CTNS: variants seen among roughly 807,000 people sequenced by gnomAD.
CTNS encodes cystinosin.
CTNS carries 27 observed loss-of-function variants against 43.7 expected under a neutral mutation model. That is an observed-to-expected ratio of 0.62 (90% CI 0.46 to 0.85). The LOEUF is 0.85. Ranked by LOEUF, CTNS falls within the 40% of genes least tolerant of loss-of-function variation. The probability of loss-of-function intolerance (pLI) is 0.00; values close to 1 mark genes in which losing one functional copy is unlikely to be tolerated. For synonymous variants in CTNS, 187 were observed against 190.6 expected (o/e 0.98, Z 0.16); for missense variants, 457 against 475.4 (o/e 0.96, Z 0.36).
At chr17:3,642,142 C>CGTGTGTGTGT (rs75793503) in intron 3 of CTNS, among the ~76,000 whole-genome samples, 12 of 146,316 alleles carry the variant, frequency 8.2e-5, no homozygotes, top group African/African-American at 1.3e-4. Context: ...TGTGCCCGGG[C>CGTGTGTGTGT]GTGTGTGTGT....
intron 5 of CTNS, among the ~76,000 whole-genome samples, chr17:3,652,316 G>C (rs1334193241): frequency 6.6e-6 from 1 of 152,174 alleles, no homozygotes; most frequent in Non-Finnish European, 1.5e-5. Flanking sequence ...GATTGACTGG[G>C]CACGGTGGCT....
chr17:3,650,489 T>A (rs1013798379), intron 5 of CTNS: 6 of 835,542 alleles, frequency 7.2e-6, no homozygotes, highest in East Asian at 5.6e-5. Flanking sequence ...CTCTAAAAAA[T>A]TAAAAATAAA....
At position 3,661,124 on chromosome 17, in the gene CTNS, A is replaced by G; in HGVS notation, c.*755A>G. 1 of 336,230 alleles carries G rather than the reference A, an allele frequency of 3.0e-6. No individual in the cohort carries two copies. Among genetic ancestry groups the G allele is most frequent in the Non-Finnish European group, 5.8e-6 (1 of 171,828 alleles). The allele number at this position is 336,230 out of a possible 1,614,324, so 20.8% of individuals were successfully genotyped here. On this transcript the variant is annotated 3_prime_UTR_variant, in exon 12 of 12. Coordinates refer to ENST00000046640, the MANE Select transcript of CTNS (RefSeq NM_004937.3). The stretch of plus-strand genomic sequence containing the variant: ...TCTCAGATTAGCCCCATCTGAGCAC[A>G]TCCAGCTGCTCCTTACCCAGCATCT...
At chr17:3,645,967 A>T (rs570962185) in intron 3 of CTNS, among the ~76,000 whole-genome samples, 1 of 101,190 alleles carries the variant, frequency 9.9e-6, no homozygotes, top group African/African-American at 3.3e-5. Flanking sequence ...GGTGGGGGGA[A>T]CTGGGCCTGG....
chr17:3,657,017 G>C, intron 9 of CTNS: 1 of 656,638 alleles, frequency 1.5e-6, no homozygotes. Context: ...CTCAGGCTGA[G>C]AGCCGTGCAC....
At chr17:3,651,098 G>A (rs1463798696) in intron 5 of CTNS, among the ~76,000 whole-genome samples, 3 of 147,256 alleles carry the variant, frequency 2.0e-5, no homozygotes, top group South Asian at 2.2e-4. Flanking sequence ...CCACTGGCCC[G>A]GCCATTGATT....
chr17:3,640,588 C>T (rs1249794058), intron 3 of CTNS, among the ~76,000 whole-genome samples: 1 of 152,242 alleles, frequency 6.6e-6, no homozygotes, highest in African/African-American at 2.4e-5. Context: ...GCTCCAACAA[C>T]CTGGGATAAT....
chr17:3,653,906 C>T (rs2076055656), intron 5 of CTNS, among the ~76,000 whole-genome samples: 1 of 151,778 alleles, frequency 6.6e-6, no homozygotes, highest in Admixed American at 6.6e-5. Flanking sequence ...AGCAGGCATG[C>T]TTGGGAGATC....
intron 5 of CTNS, 114 bp from the exon 6 acceptor site, chr17:3,654,884 G>A: frequency 1.2e-6 from 1 of 821,148 alleles, no homozygotes; most frequent in South Asian, 1.3e-5. Flanking sequence ...CTTGGAAGGT[G>A]AGGCTGCGGG....
At position 3,662,009 on chromosome 17, in the gene CTNS, T is replaced by C. The variant is rs919468299; in HGVS notation, c.*1640T>C. On this transcript the variant is annotated 3_prime_UTR_variant, in exon 12 of 12. Coordinates refer to ENST00000046640, the MANE Select transcript of CTNS (RefSeq NM_004937.3). Reference sequence around the variant, plus strand: ...GTGCCCTACTTTAAAAATCAGAGATTTCAAATGATTGACTTTTCCGGCTGA... The same window carrying C: ...GTGCCCTACTTTAAAAATCAGAGATCTCAAATGATTGACTTTTCCGGCTGA... Among the ~76,000 whole-genome samples the C allele has an allele frequency of 1.3e-5, 2 of 152,170 alleles. No individual in the cohort carries two copies. Among genetic ancestry groups the C allele is most frequent in the African/African-American group, 2.4e-5 (1 of 41,434 alleles).
At position 3,655,363 on chromosome 17, in the gene CTNS, G is replaced by A; in HGVS notation, c.461+11G>A. ...TTGGAGGCGGAAAAGGTAACCCCCT[G>A]GGCCGTATGTGCAGGCTCTCTCGGG... On this transcript the variant is annotated intron_variant, in intron 7 of 11. Coordinates refer to ENST00000046640, the MANE Select transcript of CTNS (RefSeq NM_004937.3). 6.2e-7 allele frequency: 1 copy of A among 1,613,650 alleles called. No homozygotes were observed. Among genetic ancestry groups the A allele is most frequent in the Non-Finnish European group, 8.5e-7 (1 of 1,179,950 alleles).
chr17:3,652,244 G>C (rs1417815906), intron 5 of CTNS, among the ~76,000 whole-genome samples: 1 of 152,188 alleles, frequency 6.6e-6, no homozygotes, highest in Non-Finnish European at 1.5e-5. Context: ...GCTGTACAGT[G>C]AATAATGTTT....
intron 9 of CTNS, among the ~76,000 whole-genome samples, chr17:3,657,149 T>C (rs1313747113): frequency 2.0e-5 from 3 of 151,674 alleles, no homozygotes; most frequent in African/African-American, 4.8e-5. Flanking sequence ...AGGAAGACGC[T>C]TGGTTGGGCT....
intron 5 of CTNS, among the ~76,000 whole-genome samples, chr17:3,653,225 A>T (rs952150021): frequency 1.3e-5 from 2 of 152,112 alleles, no homozygotes; most frequent in African/African-American, 4.8e-5. Context: ...CAGCCTGGCC[A>T]ACATGGCGAA....
chr17:3,636,906 CG>C, intron 1 of CTNS, 75 bp downstream of exon 1: 1 of 152,424 alleles, frequency 6.6e-6, no homozygotes. Context: ...GGCAGCCTGC[CG>C]GGGGTCCAGC....
intron 7 of CTNS, 49 bp downstream of exon 7, chr17:3,655,401 A>C: frequency 1.2e-6 from 2 of 1,611,590 alleles, no homozygotes; most frequent in Non-Finnish European, 1.7e-6. Context: ...CCCTAGGAGC[A>C]GGGCGTTCCA....
Position 3,640,242 on chromosome 17 carries a change from T to C in CTNS, c.36T>C (p.Phe12=), listed in dbSNP as rs1246968431. 6.2e-7 allele frequency: 1 copy of C among 1,614,128 alleles called. No individual in the cohort carries two copies. Among genetic ancestry groups the C allele is most frequent in the East Asian group, 2.2e-5 (1 of 44,884 alleles). The stretch of plus-strand genomic sequence containing the variant: ...ATTGGCTGACTATTTTTATCCTTTT[T>C]CCCCTGAAGCTCGTAGAGAAATGTG... ...IRNWLTIFIL[F]PLKLVEKCES... The change falls in exon 3 of 12, where the codon TTT becomes TTC. Residue 12 remains phenylalanine, a synonymous_variant. Coordinates refer to ENST00000046640, the MANE Select transcript of CTNS (RefSeq NM_004937.3).
chr17:3,660,692 G>A lies in CTNS; in HGVS notation c.*323G>A. On this transcript the variant is annotated 3_prime_UTR_variant, in exon 12 of 12. Transcript: ENST00000046640. Reference sequence around the variant, plus strand: ...CACCAAGCTTGCAGCCGAAGGCCTTGCCCCAAACTACCAGCGTTTCTGCAA... The same window carrying A: ...CACCAAGCTTGCAGCCGAAGGCCTTACCCCAAACTACCAGCGTTTCTGCAA... The A allele has an allele frequency of 6.2e-7, 1 of 1,613,532 alleles. No individual in the cohort carries two copies. The highest frequency in any genetic ancestry group is 1.1e-5 in the South Asian group (1 of 91,082).
chr17:3,641,548 C>A (rs934767358), intron 3 of CTNS, among the ~76,000 whole-genome samples: 1 of 151,300 alleles, frequency 6.6e-6, no homozygotes, highest in Non-Finnish European at 1.5e-5. Context: ...CCCGCAACTA[C>A]GCCCAGCTAG....
Sources: allele counts gnomAD v4.1 joint callset (sites outside exome capture counted in the v4.1 genomes callset), GRCh38; gene constraint gnomAD v4.1.1; transcripts MANE v1.5; gene names NCBI Gene and HGNC (gene_info 2026-07-23, HGNC 2026-07-21).